Variants in FANCA observed in about 807,000 individuals in gnomAD.
FANCA encodes Fanconi anemia group A protein.
Under a neutral mutation model 194.3 loss-of-function variants are expected in FANCA, and 236 were observed. The ratio of observed to expected loss-of-function variants is 1.21; its 90% CI spans 1.09 to 1.35. FANCA has a LOEUF of 1.35. Among genes scored for constraint, FANCA ranks in the 40% most tolerant of loss-of-function variants. The probability of loss-of-function intolerance (pLI) is 0.00; values close to 1 mark genes in which losing one functional copy is unlikely to be tolerated. For synonymous variants in FANCA, 1,014 were observed against 715.8 expected, an observed-to-expected ratio of 1.42 and a Z score of -6.65; for missense variants, 2,628 against 1,813.9, an observed-to-expected ratio of 1.45 and a Z score of -8.15.
At chr16:89,740,912 G>T in intron 37 of FANCA, 46 bp from the exon 38 acceptor site, 1 of 1,515,088 alleles carries the variant, frequency 6.6e-7, no homozygotes, top group Non-Finnish European at 9.1e-7. Flanking sequence ...AATTACCTGT[G>T]CTGTCATTCT....
chr16:89,750,755 T>C (rs2038559728), intron 31 of FANCA, among the ~76,000 whole-genome samples: 2 of 152,018 alleles, frequency 1.3e-5, no homozygotes. Flanking sequence ...AGCAAGACTC[T>C]GTCTCAAAAA....
chr16:89,753,187 G>A (rs536435101), intron 30 of FANCA, among the ~76,000 whole-genome samples: 3 of 152,280 alleles, frequency 2.0e-5, no homozygotes, highest in East Asian at 1.9e-4. Context: ...AGGCAGGGAC[G>A]GGCCCCCTGT....
intron 3 of FANCA, among the ~76,000 whole-genome samples, chr16:89,813,463 G>T (rs886497532): frequency 2.0e-5 from 3 of 151,240 alleles, no homozygotes; most frequent in Non-Finnish European, 2.9e-5. Flanking sequence ...ACAGAGTTTT[G>T]CTCTTATTGC....
intron 1 of FANCA, 114 bp downstream of exon 1, chr16:89,816,423 C>G (rs2143729369): frequency 2.1e-6 from 2 of 952,602 alleles, no homozygotes; most frequent in East Asian, 3.5e-5. Flanking sequence ...GCCCCCCGGG[C>G]GCGGCGTCCG....
rs539354103 is a variant in FANCA at position 89,762,981 on chromosome 16, C to G, written c.2779-959G>C. Among the ~76,000 whole-genome samples, 395 of 148,968 alleles carry G rather than the reference C, an allele frequency of 2.7e-3. 1 individual carries two copies. Among genetic ancestry groups the G allele is most frequent in the Non-Finnish European group, 4.3e-3 (288 of 67,532 alleles). ...AAAAAAAAAGGGTTGGGCGTGGTGGCTCACACCTGTAATCCCAGCACTTTG... is the reference window on the plus strand; with the variant it reads ...AAAAAAAAAGGGTTGGGCGTGGTGGGTCACACCTGTAATCCCAGCACTTTG... On this transcript the variant is annotated intron_variant, in intron 28 of 42. Coordinates refer to ENST00000389301, the MANE Select transcript of FANCA (RefSeq NM_000135.4).
At chr16:89,793,885 GGA>G (rs2040158920) in intron 11 of FANCA, among the ~76,000 whole-genome samples, 1 of 152,012 alleles carries the variant, frequency 6.6e-6, no homozygotes, top group African/African-American at 2.4e-5. Context: ...CGAGTAGCTG[GGA>G]CTACAGGCGC....
rs938278864 is a variant in FANCA, at chr16:89,778,805, T to C, written c.1822A>G (p.Lys608Glu). Residue 608 changes from lysine (K) to glutamate (E), a missense_variant, in exon 20 of 43, where the codon AAG (lysine) becomes GAG (glutamate). Coordinates refer to ENST00000389301, the MANE Select transcript of FANCA (RefSeq NM_000135.4). ...DSRVAFIESLKRADKIPPSLY... is the reference protein window; with the variant it reads ...DSRVAFIESLERADKIPPSLY... ...CTTCTAACCGTTGCTGCATACCTCT[T>C]CAGAGACTCTATAAACGCCACACGG... 5.6e-6 allele frequency: 9 copies of C among 1,613,892 alleles called. 1 individual carries two copies. The highest frequency in any genetic ancestry group is 5.1e-6 in the Non-Finnish European group (6 of 1,179,986).
intron 31 of FANCA, among the ~76,000 whole-genome samples, chr16:89,751,203 T>G (rs1344493617): frequency 2.0e-5 from 3 of 152,026 alleles, no homozygotes; most frequent in Non-Finnish European, 2.9e-5. Flanking sequence ...GGCTGTATTT[T>G]TTAAAGAAGA....
intron 33 of FANCA, among the ~76,000 whole-genome samples, chr16:89,747,743 T>C (rs991217721): frequency 6.6e-6 from 1 of 152,082 alleles, no homozygotes; most frequent in African/African-American, 2.4e-5. Flanking sequence ...TATAAAATGC[T>C]GCACAGCTGG....
At chr16:89,780,899 C>T (rs1366230920) in intron 17 of FANCA, among the ~76,000 whole-genome samples, 2 of 148,890 alleles carry the variant, frequency 1.3e-5, no homozygotes, top group African/African-American at 2.5e-5. Context: ...TACTATACTT[C>T]AGCCTGGTCA....
intron 11 of FANCA, among the ~76,000 whole-genome samples, chr16:89,793,690 C>T (rs1427283914): frequency 6.6e-6 from 1 of 151,898 alleles, no homozygotes; most frequent in Non-Finnish European, 1.5e-5. Flanking sequence ...AAGCAATCCA[C>T]CTGCCTCAGT....
chr16:89,780,361 T>C (rs1210834313), intron 17 of FANCA, among the ~76,000 whole-genome samples: 1 of 152,068 alleles, frequency 6.6e-6, no homozygotes, highest in Non-Finnish European at 1.5e-5. Flanking sequence ...ATGACTCATG[T>C]CTATAAACGC....
Position 89,742,940 on chromosome 16 carries a change from T to G in FANCA, c.3627-2A>C. 6.2e-7 allele frequency: 1 copy of G among 1,613,740 alleles called. No homozygotes were observed. ...GAGGCAGCCTCAGGGGAGAGGAAAC[T>G]GGGACAGAGAGAACGGGGTCATTGC... On this transcript the variant is annotated splice_acceptor_variant, in intron 36 of 42. Transcript: ENST00000389301. LOFTEE classifies it high-confidence loss of function.
At chr16:89,744,842 C>A in intron 36 of FANCA, 117 bp downstream of exon 36, 1 of 935,678 alleles carries the variant, frequency 1.1e-6, no homozygotes, top group Non-Finnish European at 1.7e-6. Context: ...TCCCTGCTCA[C>A]ACGAGAGGCT....
chr16:89,770,070 C>G, intron 25 of FANCA, 46 bp from the exon 26 acceptor site: 6 of 1,598,462 alleles, frequency 3.8e-6, no homozygotes, highest in Non-Finnish European at 4.3e-6. Context: ...CTCTTCCAAG[C>G]TGGAATTTTC....
Position 89,788,841 on chromosome 16 carries a change from C to T in FANCA, c.1359+2562G>A, listed in dbSNP as rs149914110. Among the ~76,000 whole-genome samples the T allele has an allele frequency of 3.3e-5, 5 of 152,248 alleles. 1 individual carries two copies. The highest frequency in any genetic ancestry group is 1.2e-4 in the African/African-American group (5 of 41,562). On this transcript the variant is annotated intron_variant, in intron 14 of 42. Transcript: ENST00000389301. ...AAACAAAAAACCTCATTTAATGGTACACTTAAATTGGATACCTTTCATTAT... is the reference window on the plus strand; with the variant it reads ...AAACAAAAAACCTCATTTAATGGTATACTTAAATTGGATACCTTTCATTAT...
chr16:89,777,443 T>G (rs1283829942), intron 20 of FANCA, among the ~76,000 whole-genome samples: 1 of 151,826 alleles, frequency 6.6e-6, no homozygotes, highest in Non-Finnish European at 1.5e-5. Context: ...AAAATTATTT[T>G]TGCAGAGCAT....
intron 26 of FANCA, among the ~76,000 whole-genome samples, chr16:89,769,428 A>T (rs961641210): frequency 5.3e-5 from 8 of 152,164 alleles, no homozygotes; most frequent in African/African-American, 1.9e-4. Flanking sequence ...GCTGAGCCCT[A>T]GAGAAACAGC....
intron 3 of FANCA, among the ~76,000 whole-genome samples, chr16:89,812,767 G>A (rs936895519): frequency 2.0e-5 from 3 of 151,882 alleles, no homozygotes; most frequent in Admixed American, 1.3e-4. Context: ...GGTTGCGGTG[G>A]CTCATGCCTG....
Sources: gnomAD v4.1 joint callset for allele counts (sites outside exome capture counted in the v4.1 genomes callset) on GRCh38, gnomAD v4.1.1 for gene constraint, MANE v1.5 for transcripts, NCBI Gene and HGNC (gene_info 2026-07-23, HGNC 2026-07-21) for gene names.